Variants in ADGRD1 observed in about 807,000 individuals in gnomAD.
ADGRD1 encodes the protein G-protein coupled receptor 133.
A neutral mutation model predicts 113.4 loss-of-function variants in ADGRD1; 77 were observed. The observed-to-expected ratio is 0.68, with a 90% CI of 0.57 to 0.82. The LOEUF (loss-of-function observed/expected upper bound fraction) is 0.82, where lower values mean the gene tolerates loss of function less well. Among genes scored for constraint, ADGRD1 ranks in the 40% least tolerant of loss-of-function variants. The pLI, the probability that ADGRD1 is intolerant of heterozygous loss-of-function variation, is 0.00. For missense variants in ADGRD1, 1,036 were observed against 1,139.1 expected, an observed-to-expected ratio of 0.91 and a Z score of 1.30; for synonymous variants, 474 against 475.0, an observed-to-expected ratio of 1.00 and a Z score of 0.03.
intron 15 of ADGRD1, among the ~76,000 whole-genome samples, chr12:131,095,737 C>T (rs757311145): frequency 2.6e-5 from 4 of 152,138 alleles, no homozygotes; most frequent in Non-Finnish European, 5.9e-5. Flanking sequence ...CTGGTCAACA[C>T]GTATTTTTTG....
intron 13 of ADGRD1, among the ~76,000 whole-genome samples, chr12:131,054,163 C>T (rs564604651): frequency 6.6e-6 from 1 of 152,306 alleles, no homozygotes; most frequent in African/African-American, 2.4e-5. Flanking sequence ...AATAAATGCA[C>T]ATGTGTAAAG....
chr12:130,967,169 A>G (rs1318054237), intron 3 of ADGRD1: 2 of 401,590 alleles, frequency 5.0e-6, no homozygotes, highest in Admixed American at 5.0e-5. Flanking sequence ...ACTAAGACCA[A>G]CTCACATGTT....
At chr12:131,038,305 A>C (rs941809236) in intron 13 of ADGRD1, among the ~76,000 whole-genome samples, 4 of 152,246 alleles carry the variant, frequency 2.6e-5, no homozygotes, top group Admixed American at 1.3e-4. Context: ...GCGCTGAGCC[A>C]GGGCAGGTGG....
chr12:130,994,569 T>G (rs1030729675), intron 8 of ADGRD1, among the ~76,000 whole-genome samples: 2 of 152,176 alleles, frequency 1.3e-5, no homozygotes, highest in African/African-American at 2.4e-5. Flanking sequence ...CAGCAGACAC[T>G]TAGCAGGCTC....
intron 13 of ADGRD1, among the ~76,000 whole-genome samples, chr12:131,044,880 G>A (rs1443595774): frequency 6.6e-6 from 1 of 152,214 alleles, no homozygotes; most frequent in Non-Finnish European, 1.5e-5. Context: ...CGCCCGCCTC[G>A]CGCCGTATTC....
At chr12:131,087,954 C>T (rs1380187612) in intron 15 of ADGRD1, among the ~76,000 whole-genome samples, 1 of 152,220 alleles carries the variant, frequency 6.6e-6, no homozygotes, top group African/African-American at 2.4e-5. Context: ...GTTTGAGGAG[C>T]ACCGTCCTCT....
At chr12:131,007,951 T>A (rs539695812) in intron 12 of ADGRD1, among the ~76,000 whole-genome samples, 2 of 152,336 alleles carry the variant, frequency 1.3e-5, no homozygotes, top group Admixed American at 1.3e-4. Context: ...CCTGTGTACC[T>A]TGTACCTGTA....
chr12:131,030,422 G>C (rs1880568652), intron 13 of ADGRD1: 1 of 152,734 alleles, frequency 6.5e-6, no homozygotes, highest in Admixed American at 6.5e-5. Context: ...CGAGAATGCA[G>C]CTAGATCTCA....
At chr12:131,129,202 G>A (rs1447985196) in intron 20 of ADGRD1, among the ~76,000 whole-genome samples, 15 of 120,608 alleles carry the variant, frequency 1.2e-4, no homozygotes, top group African/African-American at 3.3e-4. Context: ...TGGTGTGAGT[G>A]ACAGCCCCGC....
chr12:131,043,782 C>T (rs1882388017), intron 13 of ADGRD1, among the ~76,000 whole-genome samples: 1 of 152,216 alleles, frequency 6.6e-6, no homozygotes, highest in South Asian at 2.1e-4. Context: ...GACCGGAGGG[C>T]ATAGTGACTG....
chr12:131,053,095 G>C (rs753524678), intron 13 of ADGRD1, among the ~76,000 whole-genome samples: 1 of 152,198 alleles, frequency 6.6e-6, no homozygotes, highest in Non-Finnish European at 1.5e-5. Flanking sequence ...GGCCTTTCTC[G>C]GTCAGATCGG....
intron 13 of ADGRD1, among the ~76,000 whole-genome samples, chr12:131,019,525 G>T (rs1457358167): frequency 6.6e-6 from 1 of 152,262 alleles, no homozygotes; most frequent in Non-Finnish European, 1.5e-5. Context: ...GAAGATGAAA[G>T]CTTTTTCCTT....
At chr12:131,114,117 C>T (rs1950408542) in intron 18 of ADGRD1, among the ~76,000 whole-genome samples, 1 of 152,150 alleles carries the variant, frequency 6.6e-6, no homozygotes, top group African/African-American at 2.4e-5. Flanking sequence ...CTGTCTGTGT[C>T]GCCGATAGGA....
chr12:131,002,808 G>A (rs940639177), intron 9 of ADGRD1: 3 of 1,234,164 alleles, frequency 2.4e-6, no homozygotes, highest in East Asian at 5.4e-5. Context: ...ACCTGGGGGC[G>A]ATCAGCCCCT....
chr12:131,041,758 G>T lies in ADGRD1; in HGVS notation c.1473+27418G>T, dbSNP rs148551066. Among the ~76,000 whole-genome samples, 1,442 of 152,284 alleles carry T rather than the reference G, an allele frequency of 9.5e-3. 24 individuals carry two copies. Among genetic ancestry groups the T allele is most frequent in the African/African-American group, 0.032 (1,330 of 41,548 alleles). ...CACGCTGTTGCCGCAGCCTCCCCCT[G>T]CCTGGCGCCTCTGCCTGCACCCGCC... On this transcript the variant is annotated intron_variant, in intron 13 of 24. Coordinates refer to ENST00000261654, the MANE Select transcript of ADGRD1 (RefSeq NM_198827.5). This position sits in a 1 kb window ranked among gnomAD's most constrained non-coding sequence, Gnocchi z 4.4.
rs1427757713 is a variant in ADGRD1 at position 130,997,590 on chromosome 12, C to T, written c.967-2793C>T. Among the ~76,000 whole-genome samples the T allele has an allele frequency of 3.9e-5, 6 of 151,900 alleles. No individual in the cohort carries two copies. In the East Asian group the frequency reaches 1.2e-3, roughly 30 times the overall value. ...GGGGCGGCGGGGCAAAGGCGCTCCCCACATCTCAGACGATGGGCGGCCGGG... is the reference window on the plus strand; with the variant it reads ...GGGGCGGCGGGGCAAAGGCGCTCCCTACATCTCAGACGATGGGCGGCCGGG... On this transcript the variant is annotated intron_variant, in intron 8 of 24. Transcript: ENST00000261654.
intron 13 of ADGRD1, among the ~76,000 whole-genome samples, chr12:131,019,639 G>A (rs1179466424): frequency 6.6e-6 from 1 of 152,230 alleles, no homozygotes; most frequent in Non-Finnish European, 1.5e-5. Context: ...CCAGTTTGAT[G>A]GCTGTTGTCA....
At chr12:131,117,582 T>C (rs538180211) in intron 18 of ADGRD1, among the ~76,000 whole-genome samples, 103 of 152,274 alleles carry the variant, frequency 6.8e-4, no homozygotes, top group African/African-American at 2.2e-3. Flanking sequence ...TTGAGTCTCA[T>C]TGGGCCAGCC....
At chr12:130,990,956 C>T (rs1874299758) in intron 6 of ADGRD1, 58 bp from the exon 7 acceptor site, 2 of 1,361,780 alleles carry the variant, frequency 1.5e-6, no homozygotes, top group East Asian at 2.3e-5. Context: ...GACAGGTCTT[C>T]CTCGTGGTGA....
Sources: allele counts gnomAD v4.1 joint callset (sites outside exome capture counted in the v4.1 genomes callset), GRCh38; gene constraint gnomAD v4.1.1; non-coding constraint Gnocchi (gnomAD v3.1); transcripts MANE v1.5; gene names NCBI Gene and HGNC (gene_info 2026-07-23, HGNC 2026-07-21).